The following PTPRJ variants were observed in gnomAD, a reference collection of about 807,000 sequenced individuals.
The protein encoded by PTPRJ is receptor-type tyrosine-protein phosphatase eta.
Under a neutral mutation model 141.3 loss-of-function variants are expected in PTPRJ, and 129 were observed. The ratio of observed to expected loss-of-function variants is 0.91; its 90% confidence interval spans 0.79 to 1.06. The LOEUF (loss-of-function observed/expected upper bound fraction) is 1.06, where lower values mean the gene tolerates loss of function less well. Among genes scored for constraint, PTPRJ ranks in the 50% least tolerant of loss-of-function variants. The pLI is 0.00. For synonymous variants in PTPRJ, 610 were observed against 640.5 expected (o/e 0.95, Z 0.72); for missense variants, 1,601 against 1,679.7 (o/e 0.95, Z 0.82).
At chr11:48,097,570 C>T (rs756984188) in intron 1 of PTPRJ, among the ~76,000 whole-genome samples, 30 of 151,336 alleles carry the variant, frequency 2.0e-4, no homozygotes, top group Non-Finnish European at 2.9e-4. Context: ...TGGAGTCTCA[C>T]TTTGTTGCAT....
intron 3 of PTPRJ, 136 bp from the exon 4 acceptor site, chr11:48,120,867 G>A (rs1416882847): frequency 1.4e-6 from 1 of 739,886 alleles, no homozygotes; most frequent in African/African-American, 1.8e-5. Context: ...TCTGGTGCAG[G>A]GAAGTCTAGG....
At chr11:48,004,764 T>TCATGATA (rs1385030872) in intron 1 of PTPRJ, among the ~76,000 whole-genome samples, 1 of 152,148 alleles carries the variant, frequency 6.6e-6, no homozygotes, top group Non-Finnish European at 1.5e-5. Context: ...GATGCCTGCG[T>TCATGATA]GATTTAGATT....
Position 47,990,243 on chromosome 11 carries a change from T to A in PTPRJ, c.96+9235T>A, listed in dbSNP as rs578165177. On this transcript the variant is annotated intron_variant, in intron 1 of 24. Coordinates refer to ENST00000418331, the MANE Select transcript of PTPRJ (RefSeq NM_002843.4). ...TACTCTCCAAGATATCTAAATAAAT[T>A]AAAAGGCTATGTAGAGAACAATGTA... Among the ~76,000 whole-genome samples, 7 of 152,128 alleles carry A rather than the reference T, an allele frequency of 4.6e-5. No individual in the cohort carries two copies. The East Asian group carries it at 1.4e-3, about 29-fold the overall frequency.
intron 22 of PTPRJ, among the ~76,000 whole-genome samples, chr11:48,161,804 T>TG (rs1857786390): frequency 6.6e-6 from 1 of 151,954 alleles, no homozygotes; most frequent in African/African-American, 2.4e-5. Flanking sequence ...TTAATAGAGA[T>TG]GGGGTGTCAC....
intron 24 of PTPRJ, among the ~76,000 whole-genome samples, chr11:48,164,901 T>C (rs917907580): frequency 2.0e-5 from 3 of 152,198 alleles, no homozygotes; most frequent in Non-Finnish European, 4.4e-5. Flanking sequence ...CATTGTGTCA[T>C]GCACTTGTGT....
intron 1 of PTPRJ, among the ~76,000 whole-genome samples, chr11:48,019,180 C>CCT (rs751306710): frequency 5.3e-5 from 8 of 152,020 alleles, no homozygotes; most frequent in Non-Finnish European, 1.2e-4. Flanking sequence ...TGTGGAAGGC[C>CCT]CTCTCTCTGT....
At chr11:48,082,910 A>T (rs1430455393) in intron 1 of PTPRJ, among the ~76,000 whole-genome samples, 3 of 152,106 alleles carry the variant, frequency 2.0e-5, no homozygotes, top group Non-Finnish European at 4.4e-5. Flanking sequence ...AGTGTATGTG[A>T]ATGTGCTGTA....
rs748512830 is a variant in PTPRJ at position 48,146,918 on chromosome 11, T to C, written c.2954T>C (p.Leu985Pro). ...GTTTTTGGCTGTATCTTTGGTGCCC[T>C]GGTTATTGTGACTGTGGGAGGCTTC... Reference protein sequence around the residue: ...GAVFGCIFGALVIVTVGGFIF... With the variant: ...GAVFGCIFGAPVIVTVGGFIF... Residue 985 changes from leucine to proline, a missense_variant, in exon 15 of 25, where the codon CTG (leucine) becomes CCG (proline). Leu to Pro is a moderately conservative substitution (Grantham distance 98, BLOSUM62 -3). Transcript: ENST00000418331. The C allele has an allele frequency of 6.2e-7, 1 of 1,614,160 alleles. No individual in the cohort carries two copies. The highest frequency in any genetic ancestry group is 1.3e-5 in the African/African-American group (1 of 75,038).
chr11:48,155,481 A>G (rs1482727117), intron 19 of PTPRJ, among the ~76,000 whole-genome samples: 1 of 152,194 alleles, frequency 6.6e-6, no homozygotes, highest in African/African-American at 2.4e-5. Context: ...GAGGATGCTA[A>G]TAGTAACAGG....
intron 1 of PTPRJ, among the ~76,000 whole-genome samples, chr11:48,006,287 GGAGAGA>G (rs145043503): frequency 2.0e-5 from 3 of 150,928 alleles, no homozygotes; most frequent in African/African-American, 4.9e-5. Context: ...AGGAAGAGTG[GGAGAGA>G]GAGAGAGAGA....
In PTPRJ at chr11:48,163,495, A is replaced by C. The variant is rs1307045750; in HGVS notation, c.3596A>C (p.His1199Pro). 1.2e-6 allele frequency: 2 copies of C among 1,613,784 alleles called. No homozygotes were observed. Among genetic ancestry groups the C allele is most frequent in the Non-Finnish European group, 1.7e-6 (2 of 1,179,964 alleles). The change falls in exon 23 of 25, where the codon CAT becomes CCT. Residue 1199 changes from histidine (H) to proline (P), a missense_variant. His to Pro is a moderately conservative substitution (Grantham distance 77). Transcript: ENST00000418331. ...TSESHPLRQF[H>P]FTSWPDHGVP... is the part of the protein sequence containing the mutation. Reference sequence around the variant, plus strand: ...GAGAGTCACCCTCTGAGACAGTTCCATTTCACCTCCTGGCCAGACCACGGT... The same window carrying C: ...GAGAGTCACCCTCTGAGACAGTTCCCTTTCACCTCCTGGCCAGACCACGGT...
In PTPRJ at chr11:48,167,513, T is replaced by A. The variant is rs894529812; in HGVS notation, c.*151T>A. The A allele has an allele frequency of 8.2e-5, 74 of 905,426 alleles. No homozygotes were observed. Among genetic ancestry groups the A allele is most frequent in the Middle Eastern group, 5.7e-4 (2 of 3,538 alleles). 56.1% of individuals were successfully genotyped at this position (905,426 alleles called of 1,614,324 possible). A position where few individuals can be genotyped will look rare whatever the true frequency, so the allele number is the denominator to read the frequency against. ...AATTTTGAGGGCATGAAGCTGCATA[T>A]GATAGATGACAAATTGGGGCTGTCG... On this transcript the variant is annotated 3_prime_UTR_variant, in exon 25 of 25. Coordinates refer to ENST00000418331, the MANE Select transcript of PTPRJ (RefSeq NM_002843.4).
intron 1 of PTPRJ, among the ~76,000 whole-genome samples, chr11:48,092,333 A>T (rs1030168595): frequency 4.0e-5 from 6 of 149,716 alleles, no homozygotes; most frequent in Non-Finnish European, 5.9e-5. Context: ...AGAAAAAAAG[A>T]AATGCAGGTA....
intron 1 of PTPRJ, among the ~76,000 whole-genome samples, chr11:48,093,715 C>A (rs1351352194): frequency 6.6e-6 from 1 of 150,758 alleles, no homozygotes; most frequent in African/African-American, 2.4e-5. Flanking sequence ...TTGAGGCTTA[C>A]TAATAATGTT....
intron 1 of PTPRJ, among the ~76,000 whole-genome samples, chr11:48,060,412 A>C (rs887861581): frequency 1.3e-5 from 2 of 151,542 alleles, no homozygotes; most frequent in Admixed American, 6.6e-5. Context: ...ATAGAAACAG[A>C]AGCTGTTTTT....
At chr11:48,124,017 C>A in intron 5 of PTPRJ, 147 bp downstream of exon 5, 1 of 913,946 alleles carries the variant, frequency 1.1e-6, no homozygotes, top group South Asian at 1.8e-5. Context: ...TGATCCCCCA[C>A]CTGCATGAGG....
rs1857655620 is a variant in PTPRJ at position 48,158,034 on chromosome 11, C to T, written c.3439-1896C>T. Among the ~76,000 whole-genome samples, 1 of 152,138 alleles carries T rather than the reference C, an allele frequency of 6.6e-6. No homozygotes were observed. The highest frequency in any genetic ancestry group is 1.5e-5 in the Non-Finnish European group (1 of 68,032). On this transcript the variant is annotated intron_variant, in intron 21 of 24. Transcript: ENST00000418331. The surrounding 1 kb of genome is among the most constrained non-coding windows in gnomAD (Gnocchi z 4.4). ...AGGCGTGGTGGTGCATGCCTGTAATCCCAGCTACTTGGGAGGCTGAGGCAG... is the reference window on the plus strand; with the variant it reads ...AGGCGTGGTGGTGCATGCCTGTAATTCCAGCTACTTGGGAGGCTGAGGCAG...
chr11:48,014,407 G>A (rs780141916), intron 1 of PTPRJ: 3 of 152,166 alleles, frequency 2.0e-5, no homozygotes, highest in Non-Finnish European at 4.4e-5. Context: ...TTACTCTATA[G>A]CTGTCTCTTT....
intron 1 of PTPRJ, among the ~76,000 whole-genome samples, chr11:48,071,645 G>A (rs1161774848): frequency 1.1e-5 from 1 of 87,270 alleles, no homozygotes; most frequent in Middle Eastern, 0.013. Context: ...GTCTCGCTCT[G>A]TTGTGCAGGC....
Sources: gnomAD v4.1 joint callset for allele counts (sites outside exome capture counted in the v4.1 genomes callset) on GRCh38, gnomAD v4.1.1 for gene constraint, Gnocchi (gnomAD v3.1) non-coding constraint, MANE v1.5 for transcripts, NCBI Gene and HGNC (gene_info 2026-07-23, HGNC 2026-07-21) for gene names.